The following AOPEP variants were observed in gnomAD, a reference collection of about 807,000 sequenced individuals.
The protein encoded by AOPEP is aminopeptidase O.
A neutral mutation model predicts 98.1 loss-of-function variants in AOPEP; 77 were observed. The observed-to-expected ratio is 0.78, with a 90% confidence interval of 0.65 to 0.95. The LOEUF is 0.95. Among genes scored for constraint, AOPEP ranks in the 40% least tolerant of loss-of-function variants. The probability of loss-of-function intolerance (pLI) is 0.00; values close to 1 mark genes in which losing one functional copy is unlikely to be tolerated. For missense variants in AOPEP, 1,024 were observed against 1,024.7 expected (o/e 1.00, Z 0.01); for synonymous variants, 346 against 365.3 (o/e 0.95, Z 0.60).
At chr9:94,835,931 A>C (rs904593747) in intron 5 of AOPEP, among the ~76,000 whole-genome samples, 2 of 151,996 alleles carry the variant, frequency 1.3e-5, no homozygotes, top group African/African-American at 4.8e-5. Flanking sequence ...CTATCCCTAT[A>C]CCTCTCCATA....
At chr9:94,823,935 A>G (rs184651650) in intron 5 of AOPEP, among the ~76,000 whole-genome samples, 1 of 152,260 alleles carries the variant, frequency 6.6e-6, no homozygotes, top group African/African-American at 2.4e-5. Context: ...TATCACACCC[A>G]GCTTACTATG....
intron 5 of AOPEP, among the ~76,000 whole-genome samples, chr9:94,855,818 A>G (rs2044132165): frequency 6.6e-6 from 1 of 152,204 alleles, no homozygotes; most frequent in African/African-American, 2.4e-5. Context: ...TAGAGAAAAT[A>G]TATAAATTAT....
intron 2 of AOPEP, among the ~76,000 whole-genome samples, chr9:94,765,354 C>A (rs1839311696): frequency 6.6e-6 from 1 of 150,756 alleles, no homozygotes; most frequent in South Asian, 2.1e-4. Context: ...AATTCTAGCA[C>A]TTTGGAAGAC....
chr9:94,934,816 A>C (rs1411246518), intron 7 of AOPEP: 1 of 152,006 alleles, frequency 6.6e-6, no homozygotes, highest in East Asian at 1.9e-4. Flanking sequence ...ATCTCCTTCG[A>C]GGTCTGCCCT....
intron 5 of AOPEP, among the ~76,000 whole-genome samples, chr9:94,887,820 T>C (rs986883038): frequency 9.7e-4 from 147 of 152,276 alleles, no homozygotes; most frequent in Admixed American, 1.6e-3. Flanking sequence ...GCTTTTTTTT[T>C]CTGAAACTTC....
At chr9:95,009,732 T>A (rs2062349849) in intron 13 of AOPEP, among the ~76,000 whole-genome samples, 1 of 152,202 alleles carries the variant, frequency 6.6e-6, no homozygotes, top group African/African-American at 2.4e-5. Context: ...ACCTTCATAA[T>A]TCTTTTCTGC....
At chr9:94,734,513 T>A (rs1243060171) in intron 1 of AOPEP, among the ~76,000 whole-genome samples, 1 of 151,978 alleles carries the variant, frequency 6.6e-6, no homozygotes, top group Non-Finnish European at 1.5e-5. Context: ...GCAAGAGTCC[T>A]ACACAGGAAG....
At chr9:95,012,919 TG>T (rs1451588962) in intron 13 of AOPEP, among the ~76,000 whole-genome samples, 5 of 149,870 alleles carry the variant, frequency 3.3e-5, no homozygotes, top group African/African-American at 9.8e-5. Context: ...TTATTTATTT[TG>T]TTTTTTTTTT....
At chr9:94,919,438 C>T (rs2053276165) in intron 5 of AOPEP, among the ~76,000 whole-genome samples, 1 of 152,136 alleles carries the variant, frequency 6.6e-6, no homozygotes, top group African/African-American at 2.4e-5. Context: ...AGTCTCAGGG[C>T]CAGAGGGAAG....
At chr9:95,135,549 A>C in the AOPEP span, 2 of 1,565,592 alleles carry the variant, frequency 1.3e-6, no homozygotes, top group Non-Finnish European at 1.8e-6. Flanking sequence ...TGGCTCACTG[A>C]AAAAAGAAGA....
chr9:94,798,532 C>G (rs1847532652), intron 4 of AOPEP, among the ~76,000 whole-genome samples: 1 of 152,120 alleles, frequency 6.6e-6, no homozygotes, highest in Non-Finnish European at 1.5e-5. Context: ...GGGTTCTTGG[C>G]AGCAGGAAAT....
At chr9:94,733,520 T>C (rs1167117559) in intron 1 of AOPEP, among the ~76,000 whole-genome samples, 1 of 152,232 alleles carries the variant, frequency 6.6e-6, no homozygotes, top group East Asian at 1.9e-4. Flanking sequence ...ACTTTAAACA[T>C]ACCCTTAGGT....
chr9:94,776,817 T>C (rs184394683), intron 3 of AOPEP, among the ~76,000 whole-genome samples: 1 of 152,312 alleles, frequency 6.6e-6, no homozygotes, highest in African/African-American at 2.4e-5. Flanking sequence ...TTCTAGGAAT[T>C]ACTATTATTG....
In AOPEP at chr9:94,800,957, A is replaced by G. The variant is rs199629719; in HGVS notation, c.1319A>G (p.Asp440Gly). Residue 440 changes from aspartate to glycine, a missense_variant, in exon 5 of 17, where the codon GAT becomes GGT. This residue lies in a region of AOPEP where 566 missense variants were observed against 551.7 expected (regional missense o/e 1.03). Coordinates refer to ENST00000375315, the MANE Select transcript of AOPEP (RefSeq NM_001193329.3). ...VLGAHPFSRLDVLIVPANFPS... is the reference protein window; with the variant it reads ...VLGAHPFSRLGVLIVPANFPS... ...GGAGCACACCCGTTCTCTCGGCTGGATGTTCTCATCGTCCCTGCCAACTTT... is the reference window on the plus strand; with the variant it reads ...GGAGCACACCCGTTCTCTCGGCTGGGTGTTCTCATCGTCCCTGCCAACTTT... The G allele has an allele frequency of 1.2e-6, 2 of 1,614,068 alleles. No homozygotes were observed. The highest frequency in any genetic ancestry group is 1.7e-5 in the Admixed American group (1 of 60,014).
At chr9:94,935,959 C>T (rs1260529394) in intron 7 of AOPEP, among the ~76,000 whole-genome samples, 1 of 152,164 alleles carries the variant, frequency 6.6e-6, no homozygotes, top group East Asian at 1.9e-4. Flanking sequence ...CTGGGAGCTC[C>T]AGCTCCTGCC....
At chr9:94,933,460 G>T (rs138002202) in intron 7 of AOPEP, 2 of 985,210 alleles carry the variant, frequency 2.0e-6, no homozygotes, top group African/African-American at 1.7e-5. Flanking sequence ...AAAATGTATC[G>T]CTTTAAGGAG....
chr9:94,949,887 G>A (rs892077530), intron 7 of AOPEP, among the ~76,000 whole-genome samples: 1 of 152,120 alleles, frequency 6.6e-6, no homozygotes. Flanking sequence ...GTGTAAGGAA[G>A]ATGCCCAGAC....
intron 1 of AOPEP, among the ~76,000 whole-genome samples, chr9:94,731,790 CTTTTTTTT>C (rs564831468): frequency 1.2e-5 from 1 of 86,290 alleles, no homozygotes; most frequent in South Asian, 4.9e-4. Flanking sequence ...TCTCTTTTGC[CTTTTTTTT>C]TTTTTTTTTT....
chr9:95,091,181 C>T (rs538639955), downstream of AOPEP, among the ~76,000 whole-genome samples: 14 of 152,310 alleles, frequency 9.2e-5, no homozygotes, highest in African/African-American at 3.4e-4. Flanking sequence ...AGACCAAGCA[C>T]GTCCTTGTTC....
Sources: allele counts gnomAD v4.1 joint callset (sites outside exome capture counted in the v4.1 genomes callset), GRCh38; gene constraint gnomAD v4.1.1; regional missense constraint gnomAD v4.1.1; transcripts MANE v1.5; gene names NCBI Gene and HGNC (gene_info 2026-07-23, HGNC 2026-07-21).